TMEM132D: variants seen among roughly 807,000 people sequenced by gnomAD.
The protein encoded by TMEM132D is mature OL transmembrane protein.
Under a neutral mutation model 62.3 loss-of-function variants are expected in TMEM132D, and 21 were observed. The ratio of observed to expected loss-of-function variants is 0.34; its 90% confidence interval spans 0.24 to 0.49. TMEM132D has a LOEUF of 0.49. TMEM132D is among the 20% of genes least tolerant of loss of function. The pLI, the probability that TMEM132D is intolerant of heterozygous loss-of-function variation, is 0.99. For missense variants in TMEM132D, 1,346 were observed against 1,402.8 expected, an observed-to-expected ratio of 0.96 and a Z score of 0.65; for synonymous variants, 621 against 575.6, an observed-to-expected ratio of 1.08 and a Z score of -1.13.
chr12:129,570,824 C>A (rs1249921087), intron 2 of TMEM132D, among the ~76,000 whole-genome samples: 1 of 152,086 alleles, frequency 6.6e-6, no homozygotes, highest in Non-Finnish European at 1.5e-5. Context: ...AGAAAACATC[C>A]CCAGAAGTTG....
At chr12:129,279,721 C>A (rs994754027) in intron 4 of TMEM132D, among the ~76,000 whole-genome samples, 1 of 152,134 alleles carries the variant, frequency 6.6e-6, no homozygotes, top group South Asian at 2.1e-4. Context: ...TGAAAAAAAT[C>A]TTCCGTTCAT....
chr12:129,612,815 C>T (rs994873971), intron 2 of TMEM132D, among the ~76,000 whole-genome samples: 1 of 152,092 alleles, frequency 6.6e-6, no homozygotes, highest in African/African-American at 2.4e-5. Context: ...TGCAGTGAGC[C>T]GAGATCACGC....
At position 129,473,167 on chromosome 12, in the gene TMEM132D, CTT is replaced by C. The variant is rs1566081166; in HGVS notation, c.1115+57890_1115+57891del. Among the ~76,000 whole-genome samples, 5 of 151,880 alleles carry C rather than the reference CTT, an allele frequency of 3.3e-5. No homozygotes were observed. In the South Asian group the frequency reaches 6.2e-4, roughly 19 times the overall value. On this transcript the variant is annotated intron_variant, in intron 3 of 8. Transcript: ENST00000422113. ...CGTGAGCCACTGCGCCCAGCCAAGACTTTTAAGACATTGCCACAGTCAGCCTA... is the reference window on the plus strand; with the variant it reads ...CGTGAGCCACTGCGCCCAGCCAAGACTTAAGACATTGCCACAGTCAGCCTA...
At position 129,480,203 on chromosome 12, in the gene TMEM132D, G is replaced by C. The variant is rs545861733; in HGVS notation, c.1115+50856C>G. Among the ~76,000 whole-genome samples the C allele has an allele frequency of 7.2e-5, 11 of 152,372 alleles. No individual in the cohort carries two copies. In the South Asian group the frequency reaches 2.1e-3, roughly 29 times the overall value. ...GCCAGAAGCCCTAGTGTGTGCAAGGGAGAGGAAGAAGGTGCATGGAGCTGC... is the reference window on the plus strand; with the variant it reads ...GCCAGAAGCCCTAGTGTGTGCAAGGCAGAGGAAGAAGGTGCATGGAGCTGC... On this transcript the variant is annotated intron_variant, in intron 3 of 8. Transcript: ENST00000422113.
chr12:129,316,375 A>G (rs534062645), intron 4 of TMEM132D, among the ~76,000 whole-genome samples: 1 of 152,166 alleles, frequency 6.6e-6, no homozygotes, highest in South Asian at 2.1e-4. Context: ...AAGAATTTTT[A>G]AATTTCCATC....
intron 3 of TMEM132D, among the ~76,000 whole-genome samples, chr12:129,461,095 A>G (rs1873652392): frequency 6.6e-6 from 1 of 152,210 alleles, no homozygotes; most frequent in Non-Finnish European, 1.5e-5. Context: ...TACTCTGCTG[A>G]TAAGGGTTGA....
chr12:129,730,148 T>A (rs1466650226), intron 1 of TMEM132D, among the ~76,000 whole-genome samples: 1 of 152,190 alleles, frequency 6.6e-6, no homozygotes, highest in Non-Finnish European at 1.5e-5. Context: ...GAGTAACAAT[T>A]AAGAAATGTC....
At chr12:129,633,144 G>A (rs368133379) in intron 2 of TMEM132D, among the ~76,000 whole-genome samples, 8 of 152,176 alleles carry the variant, frequency 5.3e-5, no homozygotes, top group African/African-American at 1.9e-4. Flanking sequence ...TACAGACAAA[G>A]CAAAATTCAT....
At chr12:129,082,628 C>T (rs1046508432) in intron 6 of TMEM132D, among the ~76,000 whole-genome samples, 1 of 152,200 alleles carries the variant, frequency 6.6e-6, no homozygotes, top group African/African-American at 2.4e-5. Context: ...GGGACCCCAG[C>T]CCCACTGACA....
intron 2 of TMEM132D, among the ~76,000 whole-genome samples, chr12:129,633,009 TA>T (rs1212022538): frequency 6.6e-6 from 1 of 152,222 alleles, no homozygotes; most frequent in African/African-American, 2.4e-5. Context: ...AAATCCCACA[TA>T]GGGGTAAGTA....
At chr12:129,222,459 C>T (rs1879374721) in intron 4 of TMEM132D, among the ~76,000 whole-genome samples, 1 of 152,148 alleles carries the variant, frequency 6.6e-6, no homozygotes, top group Non-Finnish European at 1.5e-5. Flanking sequence ...CCCCATATAT[C>T]TAAATAATAT....
At chr12:129,169,044 C>G (rs1304522670) in intron 5 of TMEM132D, among the ~76,000 whole-genome samples, 1 of 152,164 alleles carries the variant, frequency 6.6e-6, no homozygotes, top group Non-Finnish European at 1.5e-5. Flanking sequence ...AATCAGGCTG[C>G]TTTTTACCCA....
intron 4 of TMEM132D, among the ~76,000 whole-genome samples, chr12:129,335,380 T>C (rs142876536): frequency 2.0e-4 from 30 of 151,726 alleles, no homozygotes; most frequent in African/African-American, 7.0e-4. Context: ...TCAAGTGATC[T>C]GCCCACCTCG....
At chr12:129,655,687 T>C (rs1232833311) in intron 2 of TMEM132D, among the ~76,000 whole-genome samples, 1 of 151,888 alleles carries the variant, frequency 6.6e-6, no homozygotes, top group Non-Finnish European at 1.5e-5. Context: ...TCCCAGCCAC[T>C]GCAACAAAGT....
At position 129,818,283 on chromosome 12, in the gene TMEM132D, C is replaced by A. The variant is rs111205225; in HGVS notation, c.79+84978G>T. ...GTGTATGTGTGTATATGTGTGTGTG[C>A]GGTGTGGGGTGTGTGTGATGTGTGT... On this transcript the variant is annotated intron_variant, in intron 1 of 8. Transcript: ENST00000422113. Among the ~76,000 whole-genome samples, 11 of 102,638 alleles carry A rather than the reference C, an allele frequency of 1.1e-4. No individual in the cohort carries two copies. In the East Asian group the frequency reaches 2.4e-3, roughly 23 times the overall value. The allele number at this position is 102,638 out of a possible 152,430, so 67.3% of individuals were successfully genotyped here. A position where few individuals can be genotyped will look rare whatever the true frequency, so the allele number is the denominator to read the frequency against.
intron 1 of TMEM132D, chr12:129,853,664 G>A (rs1873617033): frequency 6.6e-6 from 1 of 152,178 alleles, no homozygotes; most frequent in African/African-American, 2.4e-5. Flanking sequence ...TGCATTTGTA[G>A]GGCCAACGTG....
At chr12:129,370,266 C>T (rs191659300) in intron 3 of TMEM132D, among the ~76,000 whole-genome samples, 1 of 152,328 alleles carries the variant, frequency 6.6e-6, no homozygotes, top group Non-Finnish European at 1.5e-5. Context: ...CATTGAGAAA[C>T]ATTTCATCCT....
At chr12:129,746,862 G>C (rs1275204922) in intron 1 of TMEM132D, among the ~76,000 whole-genome samples, 1 of 152,062 alleles carries the variant, frequency 6.6e-6, no homozygotes, top group Non-Finnish European at 1.5e-5. Context: ...AACTTGCTCA[G>C]CGACGGTCAT....
At chr12:129,333,417 A>T (rs1348815079) in intron 4 of TMEM132D, among the ~76,000 whole-genome samples, 3 of 152,268 alleles carry the variant, frequency 2.0e-5, no homozygotes, top group Admixed American at 2.0e-4. Context: ...ATTTTATAAC[A>T]AAAAAGCTCT....
Sources: allele counts gnomAD v4.1 joint callset (sites outside exome capture counted in the v4.1 genomes callset), GRCh38; gene constraint gnomAD v4.1.1; transcripts MANE v1.5; gene names NCBI Gene and HGNC (gene_info 2026-07-23, HGNC 2026-07-21).